Variants in SAMD5 observed in about 807,000 individuals in gnomAD.
SAMD5 encodes sterile alpha motif domain-containing protein 5.
In SAMD5, 13 loss-of-function variants were observed where a neutral mutation model predicts 11.3. The ratio of observed to expected loss-of-function variants is 1.15; its 90% CI spans 0.75 to 1.83. The LOEUF is 1.83. SAMD5 is among the 40% of genes most tolerant of loss of function. The probability of loss-of-function intolerance (pLI) is 0.00; values close to 1 mark genes in which losing one functional copy is unlikely to be tolerated. For synonymous variants in SAMD5, 129 were observed against 111.3 expected (o/e 1.16, Z -1.00); for missense variants, 255 against 239.1 (o/e 1.07, Z -0.44).
At chr6:147,835,253 A>AAC in the SAMD5 span, among the ~76,000 whole-genome samples, 5 of 151,414 alleles carry the variant, frequency 3.3e-5, no homozygotes, top group Admixed American at 6.6e-5. Flanking sequence ...AAAACAAAAA[A>AAC]AACAGTATAT....
At chr6:147,892,107 A>G in the SAMD5 span, among the ~76,000 whole-genome samples, 1 of 152,046 alleles carries the variant, frequency 6.6e-6, no homozygotes, top group Non-Finnish European at 1.5e-5. Flanking sequence ...AGTTCCTGAA[A>G]CCGTCCTTCC....
the SAMD5 span, among the ~76,000 whole-genome samples, chr6:147,880,736 CCTT>C: frequency 1.3e-5 from 2 of 152,170 alleles, no homozygotes; most frequent in Non-Finnish European, 2.9e-5. Flanking sequence ...GGCAGCTCCT[CCTT>C]GTCGTTCAGC....
chr6:147,907,726 G>T, the SAMD5 span, among the ~76,000 whole-genome samples: 1 of 152,098 alleles, frequency 6.6e-6, no homozygotes, highest in East Asian at 1.9e-4. Context: ...TTTTTCCTTT[G>T]ACTAAGGCCT....
At chr6:147,861,733 A>G in the SAMD5 span, among the ~76,000 whole-genome samples, 83 of 152,280 alleles carry the variant, frequency 5.5e-4, 1 homozygote, top group Admixed American at 3.7e-3. Context: ...GTCCACTTCC[A>G]TACCCTGACT....
rs146476655 is a variant in SAMD5 at position 147,689,708 on chromosome 6, T to C, written c.163-47609T>C. ...GGTGCTTTAGGAAAACAATCACTTATTGTAAAAAACAATTCTGTTTCTTGA... is the reference window on the plus strand; with the variant it reads ...GGTGCTTTAGGAAAACAATCACTTACTGTAAAAAACAATTCTGTTTCTTGA... On this transcript the variant is annotated intron_variant, in intron 1 of 1. Transcript: ENST00000566741. 5.3e-4 allele frequency among the ~76,000 whole-genome samples: 81 copies of C among 152,328 alleles called. 1 individual carries two copies. In the East Asian group the frequency reaches 0.015, roughly 29 times the overall value.
rs757332830 is a variant in SAMD5, at chr6:147,565,725, G to A, written c.*1269G>A. The A allele has an allele frequency of 1.3e-4, 124 of 975,590 alleles. No homozygotes were observed. Among genetic ancestry groups the A allele is most frequent in the Non-Finnish European group, 1.4e-4 (114 of 821,140 alleles). The allele number at this position is 975,590 out of a possible 1,614,324, so 60.4% of individuals were successfully genotyped here. On this transcript the variant is annotated 3_prime_UTR_variant, in exon 2 of 2. Coordinates refer to ENST00000367474, the MANE Select transcript of SAMD5 (RefSeq NM_001030060.3). ...TCCACTCGCCGTGGCCTCCAGTAGC[G>A]CTGGGATTACAGGCGTGAGCCATCA...
chr6:147,909,525 G>T, the SAMD5 span, among the ~76,000 whole-genome samples: 657 of 150,960 alleles, frequency 4.4e-3, 6 homozygotes, highest in African/African-American at 0.015. Context: ...GCTCAAACGG[G>T]GAACAGGTAC....
downstream of SAMD5, among the ~76,000 whole-genome samples, chr6:147,739,042 T>G (rs185874027): frequency 4.0e-4 from 61 of 152,282 alleles, no homozygotes; most frequent in East Asian, 8.9e-3. Context: ...GTTTCATCAG[T>G]GGTTTCCTCG....
At chr6:147,731,631 C>G (rs1335922120) in intron 1 of SAMD5, among the ~76,000 whole-genome samples, 1 of 135,288 alleles carries the variant, frequency 7.4e-6, no homozygotes, top group South Asian at 2.3e-4. Flanking sequence ...ACTTTACCCT[C>G]TCTTTTCTCT....
intron 1 of SAMD5, among the ~76,000 whole-genome samples, chr6:147,531,434 ATCT>A (rs1266640085): frequency 6.6e-6 from 1 of 152,192 alleles, no homozygotes; most frequent in Admixed American, 6.5e-5. Context: ...GCTGTTTTAA[ATCT>A]TCTTATTTCC....
In SAMD5 at chr6:147,566,970, A is replaced by G; in HGVS notation, c.*2514A>G. The G allele has an allele frequency of 1.2e-6, 1 of 841,662 alleles. No individual in the cohort carries two copies. Among genetic ancestry groups the G allele is most frequent in the Non-Finnish European group, 1.4e-6 (1 of 699,138 alleles). 52.1% of individuals were successfully genotyped at this position (841,662 alleles called of 1,614,324 possible). A position where few individuals can be genotyped will look rare whatever the true frequency, so the allele number is the denominator to read the frequency against. ...TATACTTAATTTTTGAATATAAAAG[A>G]AGTAGCAATTGACTAAGAATAAATA... On this transcript the variant is annotated 3_prime_UTR_variant, in exon 2 of 2. Transcript: ENST00000367474.
At chr6:147,730,045 A>G (rs2128459931) in intron 1 of SAMD5, 1 of 402,842 alleles carries the variant, frequency 2.5e-6, no homozygotes, top group Middle Eastern at 4.2e-4. Context: ...AGATCATGCC[A>G]TTGTACTCCA....
At chr6:147,617,358 G>A (rs766850825) in intron 1 of SAMD5, among the ~76,000 whole-genome samples, 1 of 152,158 alleles carries the variant, frequency 6.6e-6, no homozygotes, top group African/African-American at 2.4e-5. Context: ...ATGCCCTTGG[G>A]CCTCAAATTA....
At chr6:147,550,969 C>T (rs1043667090) in intron 1 of SAMD5, among the ~76,000 whole-genome samples, 4 of 152,044 alleles carry the variant, frequency 2.6e-5, no homozygotes, top group African/African-American at 2.4e-5. Flanking sequence ...CACAGATTTT[C>T]GTTGTGAGGC....
At chr6:147,903,318 A>C in the SAMD5 span, among the ~76,000 whole-genome samples, 2 of 152,240 alleles carry the variant, frequency 1.3e-5, no homozygotes, top group African/African-American at 4.8e-5. Context: ...GATTACCTCA[A>C]GGTTATTCCT....
chr6:147,811,340 C>T, the SAMD5 span, among the ~76,000 whole-genome samples: 1 of 152,074 alleles, frequency 6.6e-6, no homozygotes, highest in East Asian at 1.9e-4. Flanking sequence ...TAGGAAAATC[C>T]TAAGGTTTAT....
intron 1 of SAMD5, among the ~76,000 whole-genome samples, chr6:147,672,917 A>G (rs1297524763): frequency 3.3e-5 from 5 of 152,128 alleles, no homozygotes; most frequent in Non-Finnish European, 7.4e-5. Context: ...ACTGTTTAAC[A>G]TAGTTTACTG....
chr6:147,623,019 T>A (rs1358268143), intron 1 of SAMD5, among the ~76,000 whole-genome samples: 2 of 152,098 alleles, frequency 1.3e-5, no homozygotes, highest in Admixed American at 6.5e-5. Context: ...TCCCACCAGG[T>A]CCCTCCCACA....
chr6:147,869,146 T>G, the SAMD5 span, among the ~76,000 whole-genome samples: 1 of 152,228 alleles, frequency 6.6e-6, no homozygotes, highest in Non-Finnish European at 1.5e-5. Flanking sequence ...GAAAGAAATT[T>G]CTCTGATTAA....
Sources: gnomAD v4.1 joint callset for allele counts (sites outside exome capture counted in the v4.1 genomes callset) on GRCh38, gnomAD v4.1.1 for gene constraint, MANE v1.5 for transcripts, NCBI Gene and HGNC (gene_info 2026-07-23, HGNC 2026-07-21) for gene names.